JAKMIP1: variants seen among roughly 807,000 people sequenced by gnomAD.
JAKMIP1 encodes janus kinase and microtubule-interacting protein 1.
A neutral mutation model predicts 113.0 loss-of-function variants in JAKMIP1; 33 were observed. That is an observed-to-expected ratio of 0.29 (90% confidence interval 0.22 to 0.39). JAKMIP1 has a LOEUF of 0.39. JAKMIP1 is among the 10% of genes least tolerant of loss of function. The pLI, the probability that JAKMIP1 is intolerant of heterozygous loss-of-function variation, is 1.00. For synonymous variants in JAKMIP1, 480 were observed against 459.9 expected, an observed-to-expected ratio of 1.04 and a Z score of -0.56; for missense variants, 813 against 1,080.5, an observed-to-expected ratio of 0.75 and a Z score of 3.47.
In JAKMIP1 at chr4:6,093,771, G is replaced by T. The variant is rs1722420360; in HGVS notation, c.625-8142C>A. On this transcript the variant is annotated intron_variant, in intron 3 of 20. Transcript: ENST00000409021. The surrounding 1 kb of genome is among the most constrained non-coding windows in gnomAD (Gnocchi z 4.6). ...AGGAATGATGCTTACTTGGGAAGAG[G>T]TCACTTTCCTCAAAGAAGGAGCCAG... is the stretch of plus-strand genomic sequence containing the variant. Among the ~76,000 whole-genome samples the T allele has an allele frequency of 6.6e-6, 1 of 152,126 alleles. No homozygotes were observed. Among genetic ancestry groups the T allele is most frequent in the Non-Finnish European group, 1.5e-5 (1 of 68,034 alleles).
In JAKMIP1 at chr4:6,064,153, C is replaced by T. The variant is rs966558353; in HGVS notation, c.1431+727G>A. 2.0e-5 allele frequency among the ~76,000 whole-genome samples: 3 copies of T among 152,198 alleles called. No individual in the cohort carries two copies. The highest frequency in any genetic ancestry group is 4.8e-5 in the African/African-American group (2 of 41,448). ...TGGTGGGGAGCAAGGGGAAGGTCTG[C>T]GCTGAATGAAGTCTGCTGTTTAGGA... On this transcript the variant is annotated intron_variant, in intron 9 of 20. Coordinates refer to ENST00000409021, the MANE Select transcript of JAKMIP1 (RefSeq NM_001099433.2). The surrounding 1 kb of genome is among the most constrained non-coding windows in gnomAD (Gnocchi z 4.3).
Position 6,059,882 on chromosome 4 carries a change from G to T in JAKMIP1, c.1644+542C>A, listed in dbSNP as rs1448991929. On this transcript the variant is annotated intron_variant, in intron 11 of 20. Coordinates refer to ENST00000409021, the MANE Select transcript of JAKMIP1 (RefSeq NM_001099433.2). The surrounding 1 kb of genome is among the most constrained non-coding windows in gnomAD (Gnocchi z 4.8). Reference sequence around the variant, plus strand: ...TCTGGCTCCCCCACTCCAGGGGACAGGTCTAGGCCCAGGCATTGCTTTTCT... The same window carrying T: ...TCTGGCTCCCCCACTCCAGGGGACATGTCTAGGCCCAGGCATTGCTTTTCT... 2.0e-5 allele frequency among the ~76,000 whole-genome samples: 3 copies of T among 152,054 alleles called. No individual in the cohort carries two copies. Among genetic ancestry groups the T allele is most frequent in the Non-Finnish European group, 4.4e-5 (3 of 68,020 alleles).
chr4:6,127,058 C>T (rs914903397), intron 1 of JAKMIP1, among the ~76,000 whole-genome samples: 3 of 152,192 alleles, frequency 2.0e-5, no homozygotes, highest in African/African-American at 7.2e-5. Flanking sequence ...ATACCACACC[C>T]GGCCGCACAG....
At chr4:6,109,733 T>C (rs1714606371) in intron 2 of JAKMIP1, among the ~76,000 whole-genome samples, 1 of 152,056 alleles carries the variant, frequency 6.6e-6, no homozygotes, top group Non-Finnish European at 1.5e-5. Context: ...TCCTACAGTG[T>C]TCAACAGGGA....
chr4:6,106,033 A>T lies in JAKMIP1; in HGVS notation c.130-66T>A. On this transcript the variant is annotated intron_variant, in intron 2 of 20. Transcript: ENST00000409021. This position sits in a 1 kb window ranked among gnomAD's most constrained non-coding sequence, Gnocchi z 5.9. The stretch of plus-strand genomic sequence containing the variant: ...CAGGGTCAGGGTCAGGGTCAGGGTC[A>T]CAGCTGGGGGAGCTGGCCACAGCCT... The T allele has an allele frequency of 2.6e-6, 3 of 1,150,924 alleles. No individual in the cohort carries two copies. The South Asian group carries it at 4.5e-5, about 17-fold the overall frequency. The allele number at this position is 1,150,924 out of a possible 1,614,324, so 71.3% of individuals were successfully genotyped here.
In JAKMIP1 at chr4:6,193,407, C is replaced by T. The variant is rs970204467; in HGVS notation, c.-148+6846G>A. Among the ~76,000 whole-genome samples, 2 of 152,120 alleles carry T rather than the reference C, an allele frequency of 1.3e-5. No homozygotes were observed. Among genetic ancestry groups the T allele is most frequent in the South Asian group, 2.1e-4 (1 of 4,830 alleles). ...ACTCCTTTTCATATACACATATATC[C>T]GATTAGTTCTGTCTCTCTAGAGAAC... is the stretch of plus-strand genomic sequence containing the variant. On this transcript the variant is annotated intron_variant, in intron 1 of 20. Coordinates refer to ENST00000409021, the MANE Select transcript of JAKMIP1 (RefSeq NM_001099433.2). This position sits in a 1 kb window ranked among gnomAD's most constrained non-coding sequence, Gnocchi z 6.4.
intron 1 of JAKMIP1, among the ~76,000 whole-genome samples, chr4:6,115,821 C>T (rs1355130131): frequency 2.6e-5 from 4 of 152,298 alleles, no homozygotes; most frequent in Middle Eastern, 3.4e-3. Context: ...AGCAGCCCAC[C>T]GGCCTCGCAG....
At chr4:6,043,312 A>G (rs1379589867) in intron 16 of JAKMIP1, among the ~76,000 whole-genome samples, 2 of 149,560 alleles carry the variant, frequency 1.3e-5, no homozygotes, top group African/African-American at 2.5e-5. Flanking sequence ...TCCCGACCCC[A>G]GGCTCCCCCA....
intron 1 of JAKMIP1, among the ~76,000 whole-genome samples, chr4:6,151,118 A>T (rs1721524757): frequency 6.6e-6 from 1 of 152,102 alleles, no homozygotes. Flanking sequence ...CAAGCTCCTG[A>T]GCTTGTCTCC....
At position 6,086,682 on chromosome 4, in the gene JAKMIP1, G is replaced by C. The variant is rs1434108334; in HGVS notation, c.625-1053C>G. ...TCCTGGTTGAATAGCAGGCCCCCAA[G>C]ACCCATGGCCTTCCTGGAACTTCAG... On this transcript the variant is annotated intron_variant, in intron 3 of 20. Transcript: ENST00000409021. This position sits in a 1 kb window ranked among gnomAD's most constrained non-coding sequence, Gnocchi z 4.1. Among the ~76,000 whole-genome samples the C allele has an allele frequency of 1.3e-5, 2 of 152,066 alleles. No individual in the cohort carries two copies. The highest frequency in any genetic ancestry group is 3.9e-4 in the East Asian group (2 of 5,176).
At chr4:6,109,971 C>T (rs936421501) in intron 2 of JAKMIP1, among the ~76,000 whole-genome samples, 8 of 152,144 alleles carry the variant, frequency 5.3e-5, no homozygotes, top group East Asian at 1.9e-4. Context: ...AATCAGCCAG[C>T]GTGCATCCAA....
intron 1 of JAKMIP1, among the ~76,000 whole-genome samples, chr4:6,171,382 A>G (rs1049205342): frequency 2.1e-5 from 3 of 140,498 alleles, no homozygotes; most frequent in Non-Finnish European, 3.1e-5. Flanking sequence ...TACCACCATC[A>G]CCACCATCAC....
At chr4:6,096,201 T>TA (rs965894970) in intron 3 of JAKMIP1, among the ~76,000 whole-genome samples, 23 of 151,800 alleles carry the variant, frequency 1.5e-4, no homozygotes, top group Non-Finnish European at 2.4e-4. Flanking sequence ...ACCCTACCTT[T>TA]AAAAAAAAAT....
intron 1 of JAKMIP1, among the ~76,000 whole-genome samples, chr4:6,145,988 T>TG (rs1339385231): frequency 2.0e-5 from 3 of 152,128 alleles, no homozygotes; most frequent in Non-Finnish European, 2.9e-5. Context: ...ATAGGAACTT[T>TG]GGGGGGACAC....
At chr4:6,083,402 C>CA (rs77719269) in intron 5 of JAKMIP1, among the ~76,000 whole-genome samples, 18,497 of 109,674 alleles carry the variant, frequency 0.17, 1,446 homozygotes, top group African/African-American at 0.26. Context: ...GACTCCACCT[C>CA]AAAAAAAAAA....
intron 2 of JAKMIP1, among the ~76,000 whole-genome samples, chr4:6,111,041 G>A (rs536396785): frequency 1.1e-4 from 17 of 152,158 alleles, no homozygotes; most frequent in African/African-American, 4.1e-4. Context: ...GGAGACAGGT[G>A]CATCTGTCCC....
At chr4:6,047,794 C>A (rs1177608665) in intron 16 of JAKMIP1, among the ~76,000 whole-genome samples, 1 of 152,158 alleles carries the variant, frequency 6.6e-6, no homozygotes, top group Non-Finnish European at 1.5e-5. Context: ...AAAGTTGAAC[C>A]CATATGCTTT....
At position 6,086,900 on chromosome 4, in the gene JAKMIP1, A is replaced by G. The variant is rs1721385766; in HGVS notation, c.625-1271T>C. Among the ~76,000 whole-genome samples, 1 of 152,174 alleles carries G rather than the reference A, an allele frequency of 6.6e-6. No individual in the cohort carries two copies. The highest frequency in any genetic ancestry group is 1.5e-5 in the Non-Finnish European group (1 of 68,034). ...CAAGCCAAGGAACTCAAGGTCAGCC[A>G]GCAACACCAGCATCAGGAAGAGGCT... On this transcript the variant is annotated intron_variant, in intron 3 of 20. Transcript: ENST00000409021. The surrounding 1 kb of genome is among the most constrained non-coding windows in gnomAD (Gnocchi z 4.1).
intron 2 of JAKMIP1, among the ~76,000 whole-genome samples, chr4:6,109,413 A>C (rs189245389): frequency 6.6e-6 from 1 of 152,024 alleles, no homozygotes; most frequent in Admixed American, 6.6e-5. Context: ...GATTACAGGC[A>C]TGAGCCACTG....
Sources: allele counts gnomAD v4.1 joint callset (sites outside exome capture counted in the v4.1 genomes callset), GRCh38; gene constraint gnomAD v4.1.1; non-coding constraint Gnocchi (gnomAD v3.1); transcripts MANE v1.5; gene names NCBI Gene and HGNC (gene_info 2026-07-23, HGNC 2026-07-21).